The following GPC6 variants were observed in gnomAD, a reference collection of about 807,000 sequenced individuals.
GPC6 encodes the protein glypican-6.
Under a neutral mutation model 55.2 loss-of-function variants are expected in GPC6, and 14 were observed. The observed-to-expected ratio is 0.25, with a 90% CI of 0.17 to 0.40. The LOEUF is 0.40. Ranked by LOEUF, GPC6 falls within the 10% of genes least tolerant of loss-of-function variation. The pLI, the probability that GPC6 is intolerant of heterozygous loss-of-function variation, is 1.00. For missense variants in GPC6, 641 were observed against 708.5 expected (o/e 0.90, Z 1.08); for synonymous variants, 278 against 259.6 (o/e 1.07, Z -0.68).
At chr13:93,267,718 G>T (rs906909544) in intron 1 of GPC6, among the ~76,000 whole-genome samples, 2 of 152,112 alleles carry the variant, frequency 1.3e-5, no homozygotes, top group African/African-American at 4.8e-5. Context: ...GCCAAATATT[G>T]TTGAAGTATT....
chr13:93,805,796 C>T (rs1226268200), intron 2 of GPC6, among the ~76,000 whole-genome samples: 1 of 152,158 alleles, frequency 6.6e-6, no homozygotes, highest in Non-Finnish European at 1.5e-5. Context: ...ATTTCAGCTG[C>T]TGGTTTCAAC....
At chr13:94,398,723 C>A in intron 8 of GPC6, 82 bp downstream of exon 8, 2 of 1,071,450 alleles carry the variant, frequency 1.9e-6, no homozygotes, top group Non-Finnish European at 2.9e-6. Flanking sequence ...TCTTCAAGAG[C>A]AATATGCCCT....
intron 2 of GPC6, among the ~76,000 whole-genome samples, chr13:93,644,665 AAAT>A (rs1880095642): frequency 6.6e-6 from 1 of 151,996 alleles, no homozygotes; most frequent in African/African-American, 2.4e-5. Context: ...AATTTTATAA[AAAT>A]AATGATGATA....
chr13:94,245,722 A>ATGTG (rs143696889), intron 4 of GPC6, among the ~76,000 whole-genome samples: 1 of 151,094 alleles, frequency 6.6e-6, no homozygotes. Flanking sequence ...ATTTGTGTGT[A>ATGTG]TGTGTGTGTG....
chr13:94,266,159 T>TC (rs1454080558), intron 4 of GPC6, among the ~76,000 whole-genome samples: 1 of 142,540 alleles, frequency 7.0e-6, no homozygotes, highest in Admixed American at 7.0e-5. Flanking sequence ...TTCTTTTTTT[T>TC]TTTTGTTTGT....
At position 94,154,618 on chromosome 13, in the gene GPC6, G is replaced by A. The variant is rs528283069; in HGVS notation, c.877+126724G>A. On this transcript the variant is annotated intron_variant, in intron 4 of 8. Transcript: ENST00000377047. The stretch of plus-strand genomic sequence containing the variant: ...GCCTTGGAATCAAAAGACCTTGGCC[G>A]AAGTCCCAGCTTTGCTCATTTTAAA... 2.0e-5 allele frequency among the ~76,000 whole-genome samples: 3 copies of A among 152,240 alleles called. No homozygotes were observed. The East Asian group carries it at 5.8e-4, about 29-fold the overall frequency.
chr13:93,623,764 G>T (rs1879069430), intron 2 of GPC6, among the ~76,000 whole-genome samples: 1 of 151,756 alleles, frequency 6.6e-6, no homozygotes, highest in South Asian at 2.1e-4. Flanking sequence ...GGCCTCTTTG[G>T]TCTTTTTGAT....
chr13:93,387,119 T>A (rs1875436950), intron 1 of GPC6, among the ~76,000 whole-genome samples: 1 of 129,514 alleles, frequency 7.7e-6, no homozygotes, highest in Non-Finnish European at 1.6e-5. Context: ...GGTCACTGAC[T>A]TGATGGTTTC....
chr13:93,680,491 A>G (rs1414693610), intron 2 of GPC6, among the ~76,000 whole-genome samples: 1 of 152,188 alleles, frequency 6.6e-6, no homozygotes, highest in African/African-American at 2.4e-5. Context: ...AGCCTGGTAT[A>G]TAGGTTTAGA....
At chr13:94,191,878 T>C (rs1889406787) in intron 4 of GPC6, among the ~76,000 whole-genome samples, 3 of 152,148 alleles carry the variant, frequency 2.0e-5, no homozygotes, top group African/African-American at 4.8e-5. Context: ...AGCAAAATGA[T>C]GCTCATATGA....
intron 4 of GPC6, among the ~76,000 whole-genome samples, chr13:94,087,747 A>G (rs1052629163): frequency 2.6e-5 from 4 of 152,238 alleles, no homozygotes; most frequent in Non-Finnish European, 5.9e-5. Context: ...TGAATGAGAC[A>G]TGTTCCACAG....
intron 2 of GPC6, among the ~76,000 whole-genome samples, chr13:93,570,741 G>A (rs1020546501): frequency 6.6e-6 from 1 of 152,026 alleles, no homozygotes; most frequent in Non-Finnish European, 1.5e-5. Context: ...AACATTGGAC[G>A]CATTTACAAA....
At chr13:93,833,117 G>T (rs1177727022) in intron 3 of GPC6, among the ~76,000 whole-genome samples, 15 of 66,964 alleles carry the variant, frequency 2.2e-4, no homozygotes, top group African/African-American at 1.1e-3. Flanking sequence ...TAGAGAGAGA[G>T]AGAGAGAGAG....
intron 2 of GPC6, among the ~76,000 whole-genome samples, chr13:93,576,946 A>G (rs1056522201): frequency 6.6e-6 from 1 of 152,126 alleles, no homozygotes; most frequent in African/African-American, 2.4e-5. Flanking sequence ...TTTTATACAA[A>G]TGCACTTTAA....
chr13:94,385,248 A>T (rs1880352004), intron 7 of GPC6, among the ~76,000 whole-genome samples: 2 of 152,192 alleles, frequency 1.3e-5, no homozygotes, highest in East Asian at 3.9e-4. Flanking sequence ...TCAAAAAAAA[A>T]AAAAAATGGC....
At chr13:93,825,860 C>CTTTTTTTTTTTTTTTTTTTTTTTTT (rs1029574657) in intron 2 of GPC6, among the ~76,000 whole-genome samples, 15 of 124,182 alleles carry the variant, frequency 1.2e-4, no homozygotes, top group Non-Finnish European at 2.0e-4. Context: ...TTATTATTTT[C>CTTTTTTTTTTTTTTTTTTTTTTTTT]TTTTTTTTTT....
intron 4 of GPC6, among the ~76,000 whole-genome samples, chr13:94,053,680 T>G (rs943753970): frequency 6.6e-6 from 1 of 152,148 alleles, no homozygotes; most frequent in South Asian, 2.1e-4. Flanking sequence ...ATCCCATCTA[T>G]ATATGTAACT....
chr13:93,243,358 G>A (rs1048189232), intron 1 of GPC6, among the ~76,000 whole-genome samples: 3 of 151,962 alleles, frequency 2.0e-5, no homozygotes, highest in East Asian at 1.9e-4. Flanking sequence ...CCTGTAATTC[G>A]TTTTTTTTGT....
At chr13:93,359,682 G>A (rs550556386) in intron 1 of GPC6, among the ~76,000 whole-genome samples, 1 of 152,218 alleles carries the variant, frequency 6.6e-6, no homozygotes, top group East Asian at 1.9e-4. Flanking sequence ...AATTCAAAAT[G>A]GTACTGCTAA....
Sources: allele counts gnomAD v4.1 joint callset (sites outside exome capture counted in the v4.1 genomes callset), GRCh38; gene constraint gnomAD v4.1.1; transcripts MANE v1.5; gene names NCBI Gene and HGNC (gene_info 2026-07-23, HGNC 2026-07-21).